KCNN2: variants seen among roughly 807,000 people sequenced by gnomAD.
The protein encoded by KCNN2 is small conductance calcium-activated potassium channel protein 2.
KCNN2 carries 24 observed loss-of-function variants against 55.5 expected under a neutral mutation model. The ratio of observed to expected loss-of-function variants is 0.43; its 90% CI spans 0.31 to 0.61. KCNN2 has a LOEUF of 0.61. KCNN2 is among the 20% of genes least tolerant of loss of function. KCNN2 has a pLI of 0.08. For synonymous variants in KCNN2, 431 were observed against 336.1 expected, an observed-to-expected ratio of 1.28 and a Z score of -3.09; for missense variants, 754 against 853.6, an observed-to-expected ratio of 0.88 and a Z score of 1.45.
chr5:114,148,399 C>A (rs2112514166), intron 1 of KCNN2, among the ~76,000 whole-genome samples: 1 of 152,176 alleles, frequency 6.6e-6, no homozygotes, highest in East Asian at 1.9e-4. Context: ...ATAATGTTTG[C>A]TTGTAGTAAA....
At chr5:114,428,818 A>C (rs1259835943) in intron 3 of KCNN2, among the ~76,000 whole-genome samples, 1 of 152,096 alleles carries the variant, frequency 6.6e-6, no homozygotes, top group Non-Finnish European at 1.5e-5. Context: ...AGTTGAATTC[A>C]TAGAGTATGT....
intron 1 of KCNN2, among the ~76,000 whole-genome samples, chr5:114,078,595 G>A (rs1422044703): frequency 6.6e-6 from 1 of 152,130 alleles, no homozygotes; most frequent in Admixed American, 6.5e-5. Flanking sequence ...TTCCTATGGG[G>A]GTGGGATTTC....
At chr5:114,244,541 G>T (rs56359956) in intron 2 of KCNN2, among the ~76,000 whole-genome samples, 1 of 151,366 alleles carries the variant, frequency 6.6e-6, no homozygotes, top group Admixed American at 6.6e-5. Context: ...AGGTTACAGC[G>T]AGCCGAGATC....
intron 3 of KCNN2, among the ~76,000 whole-genome samples, chr5:114,424,329 A>C (rs559105058): frequency 5.9e-5 from 9 of 152,332 alleles, no homozygotes; most frequent in Admixed American, 5.9e-4. Flanking sequence ...CTGACCTATG[A>C]GCACTAAACT....
chr5:114,353,174 A>C (rs1757241793), intron 2 of KCNN2, among the ~76,000 whole-genome samples: 1 of 151,564 alleles, frequency 6.6e-6, no homozygotes, highest in South Asian at 2.1e-4. Context: ...TTTTTCTTAA[A>C]GTCCATTTTG....
chr5:114,383,334 G>A (rs958207598), intron 2 of KCNN2, among the ~76,000 whole-genome samples: 1 of 152,080 alleles, frequency 6.6e-6, no homozygotes, highest in African/African-American at 2.4e-5. Context: ...GGCTGTAAAG[G>A]TAACAAGAGG....
At chr5:114,308,229 G>A (rs919886676) in intron 2 of KCNN2, among the ~76,000 whole-genome samples, 1 of 152,144 alleles carries the variant, frequency 6.6e-6, no homozygotes, top group Non-Finnish European at 1.5e-5. Flanking sequence ...TATTTGACTG[G>A]TAGGGGATCT....
chr5:114,121,108 A>G (rs1285990421), intron 1 of KCNN2, among the ~76,000 whole-genome samples: 1 of 152,246 alleles, frequency 6.6e-6, no homozygotes, highest in Non-Finnish European at 1.5e-5. Context: ...GGGTTGGAAC[A>G]TGCATGGGCC....
intron 1 of KCNN2, among the ~76,000 whole-genome samples, chr5:114,134,410 A>G (rs1752128727): frequency 6.6e-6 from 1 of 151,644 alleles, no homozygotes; most frequent in Admixed American, 6.6e-5. Flanking sequence ...GAAATAGGCT[A>G]AATTTAAGAA....
At chr5:114,376,138 C>T (rs755302019) in intron 2 of KCNN2, among the ~76,000 whole-genome samples, 7 of 152,044 alleles carry the variant, frequency 4.6e-5, no homozygotes, top group Non-Finnish European at 1.0e-4. Context: ...ATCCAGCCCA[C>T]TCACTGTCAT....
intron 1 of KCNN2, among the ~76,000 whole-genome samples, chr5:114,080,511 A>C (rs962357336): frequency 2.0e-5 from 3 of 152,138 alleles, no homozygotes; most frequent in African/African-American, 7.2e-5. Context: ...TCTTTCCTGT[A>C]AGTTTTGAAT....
At position 114,285,433 on chromosome 5, in the gene KCNN2, T is replaced by TA. The variant is rs1255465139; in HGVS notation, c.-185+63872dup. Among the ~76,000 whole-genome samples the TA allele has an allele frequency of 2.6e-5, 4 of 151,724 alleles. No individual in the cohort carries two copies. The East Asian group carries it at 7.8e-4, about 29-fold the overall frequency. On this transcript the variant is annotated intron_variant, in intron 2 of 10. Transcript: ENST00000512097. ...CAAGTGGTTTAATAATGTTAGAACA[T>TA]AAAATCAAGACTGTGATAAATGAGG... is the stretch of plus-strand genomic sequence containing the variant.
At chr5:114,400,191 C>T (rs1272773003) in intron 2 of KCNN2, among the ~76,000 whole-genome samples, 1 of 151,796 alleles carries the variant, frequency 6.6e-6, no homozygotes, top group Non-Finnish European at 1.5e-5. Context: ...CTGTAGTTTC[C>T]CTAGGTTGAT....
intron 1 of KCNN2, among the ~76,000 whole-genome samples, chr5:114,099,360 T>C (rs960675705): frequency 2.0e-5 from 3 of 152,146 alleles, no homozygotes; most frequent in Non-Finnish European, 4.4e-5. Flanking sequence ...TCTTTCCACC[T>C]CCTTTTTCAT....
intron 2 of KCNN2, among the ~76,000 whole-genome samples, chr5:114,282,092 G>A (rs1755636133): frequency 6.6e-6 from 1 of 151,702 alleles, no homozygotes; most frequent in African/African-American, 2.4e-5. Context: ...CCATATTTTG[G>A]CCCTTTGGCA....
intron 5 of KCNN2, among the ~76,000 whole-genome samples, chr5:114,483,580 G>A (rs980205248): frequency 1.3e-5 from 2 of 152,018 alleles, no homozygotes; most frequent in Non-Finnish European, 2.9e-5. Flanking sequence ...CCAGCCAGTA[G>A]TAGTATATAT....
chr5:114,295,199 G>A (rs987946592), intron 2 of KCNN2, among the ~76,000 whole-genome samples: 7 of 152,320 alleles, frequency 4.6e-5, no homozygotes, highest in East Asian at 3.9e-4. Flanking sequence ...CTCCAGCTGC[G>A]TGCTGGGAGA....
intron 2 of KCNN2, among the ~76,000 whole-genome samples, chr5:114,394,302 G>T (rs576040199): frequency 6.6e-6 from 1 of 152,104 alleles, no homozygotes; most frequent in African/African-American, 2.4e-5. Context: ...ATGACCTAAG[G>T]CTTGTATCCT....
intron 1 of KCNN2, among the ~76,000 whole-genome samples, chr5:114,137,077 A>G (rs1378176206): frequency 2.6e-5 from 4 of 152,178 alleles, no homozygotes; most frequent in African/African-American, 9.7e-5. Flanking sequence ...TATCTAGTAT[A>G]GTGCAATTAA....
Sources: gnomAD v4.1 joint callset for allele counts (sites outside exome capture counted in the v4.1 genomes callset) on GRCh38, gnomAD v4.1.1 for gene constraint, MANE v1.5 for transcripts, NCBI Gene and HGNC (gene_info 2026-07-23, HGNC 2026-07-21) for gene names.